The following SLIT2 variants were observed in gnomAD, a reference collection of about 807,000 sequenced individuals.
SLIT2 encodes the protein slit homolog 2 protein.
SLIT2 carries 41 observed loss-of-function variants against 185.7 expected under a neutral mutation model. The ratio of observed to expected loss-of-function variants is 0.22; its 90% CI spans 0.17 to 0.29. The LOEUF is 0.29. SLIT2 is among the 10% of genes least tolerant of loss of function. The probability of loss-of-function intolerance (pLI) is 1.00; values close to 1 mark genes in which losing one functional copy is unlikely to be tolerated. For missense variants in SLIT2, 1,571 were observed against 1,909.0 expected (o/e 0.82, Z 3.30); for synonymous variants, 693 against 680.2 (o/e 1.02, Z -0.29).
chr4:20,472,466 CTATATATA>C lies in SLIT2; in HGVS notation c.467+4644_467+4651del, dbSNP rs1715437265. Among the ~76,000 whole-genome samples, 2 of 26,680 alleles carry C rather than the reference CTATATATA, an allele frequency of 7.5e-5. 1 individual carries two copies. The highest frequency in any genetic ancestry group is 1.3e-4 in the Non-Finnish European group (2 of 15,888). The allele number at this position is 26,680 out of a possible 152,430, so 17.5% of individuals were successfully genotyped here. On this transcript the variant is annotated intron_variant, in intron 5 of 36. Transcript: ENST00000504154. Reference sequence around the variant, plus strand: ...TATATCTATATAGATATATCTATATCTATATATAGATATATATCTATATATAGATATAT... The same window carrying C: ...TATATCTATATAGATATATCTATATCGATATATATCTATATATAGATATAT...
chr4:20,535,688 A>G (rs1237754886), intron 18 of SLIT2, among the ~76,000 whole-genome samples: 1 of 152,106 alleles, frequency 6.6e-6, no homozygotes, highest in African/African-American at 2.4e-5. Context: ...CTGGGCTTGT[A>G]AACAGTCACC....
At chr4:20,498,885 G>A (rs954240444) in intron 9 of SLIT2, among the ~76,000 whole-genome samples, 7 of 152,206 alleles carry the variant, frequency 4.6e-5, no homozygotes, top group Admixed American at 1.3e-4. Context: ...ACATATGAGT[G>A]AAAGTGTCTT....
chr4:20,459,004 C>A (rs967738942), intron 4 of SLIT2, among the ~76,000 whole-genome samples: 1 of 152,086 alleles, frequency 6.6e-6, no homozygotes, highest in African/African-American at 2.4e-5. Context: ...AAGTTATTGA[C>A]ACTTTTTATT....
chr4:20,605,711 ATATTTTATTTTATTTTATTT>A (rs376845737), intron 33 of SLIT2, among the ~76,000 whole-genome samples: 10 of 131,840 alleles, frequency 7.6e-5, no homozygotes, highest in East Asian at 2.1e-4. Flanking sequence ...ATTTTATTTT[ATATTTTATTTTATTTTATTT>A]TATTTTATTT....
In SLIT2 at chr4:20,546,118, T is replaced by G. The variant is rs1432054003; in HGVS notation, c.2345+19T>G. The G allele has an allele frequency of 7.0e-7, 1 of 1,428,214 alleles. No individual in the cohort carries two copies. The highest frequency in any genetic ancestry group is 2.4e-5 in the East Asian group (1 of 42,176). 88.5% of individuals were successfully genotyped at this position (1,428,214 alleles called of 1,614,324 possible). ...CACTTATGTGAGTAACATATTGCACTTTTCTTTGACTTACTCTATTTCCAG... is the reference window on the plus strand; with the variant it reads ...CACTTATGTGAGTAACATATTGCACGTTTCTTTGACTTACTCTATTTCCAG... On this transcript the variant is annotated intron_variant, in intron 22 of 36. Transcript: ENST00000504154.
chr4:20,545,239 GA>G (rs1240811272), intron 21 of SLIT2, among the ~76,000 whole-genome samples: 1 of 151,968 alleles, frequency 6.6e-6, no homozygotes, highest in African/African-American at 2.4e-5. Context: ...CCCAGTTTCT[GA>G]ATGACATTTG....
intron 4 of SLIT2, among the ~76,000 whole-genome samples, chr4:20,430,105 C>A (rs1423002699): frequency 6.6e-6 from 1 of 151,800 alleles, no homozygotes; most frequent in Non-Finnish European, 1.5e-5. Flanking sequence ...CTAAGCAGTC[C>A]AGGAAGTACA....
intron 4 of SLIT2, among the ~76,000 whole-genome samples, chr4:20,283,539 G>A (rs557839541): frequency 6.6e-6 from 1 of 152,150 alleles, no homozygotes; most frequent in African/African-American, 2.4e-5. Flanking sequence ...ATCTCCAAAG[G>A]CAACTTTTAA....
intron 4 of SLIT2, among the ~76,000 whole-genome samples, chr4:20,434,986 T>A (rs1206359641): frequency 2.0e-5 from 3 of 152,180 alleles, no homozygotes; most frequent in Non-Finnish European, 2.9e-5. Flanking sequence ...ATAGAATTAT[T>A]AATTTAGTTA....
At chr4:20,312,291 G>C (rs1422240779) in intron 4 of SLIT2, among the ~76,000 whole-genome samples, 1 of 152,118 alleles carries the variant, frequency 6.6e-6, no homozygotes, top group African/African-American at 2.4e-5. Context: ...AGGAGTGTGA[G>C]ATAATTATAA....
chr4:20,604,480 G>C (rs1728636670), intron 33 of SLIT2, among the ~76,000 whole-genome samples: 1 of 151,966 alleles, frequency 6.6e-6, no homozygotes, highest in Non-Finnish European at 1.5e-5. Flanking sequence ...CTCCTGAGTA[G>C]CTGGGACTAC....
At chr4:20,373,477 A>G (rs1350111038) in intron 4 of SLIT2, among the ~76,000 whole-genome samples, 2 of 152,044 alleles carry the variant, frequency 1.3e-5, no homozygotes, top group African/African-American at 4.8e-5. Flanking sequence ...CCAATATTAT[A>G]TTCTTGGTGT....
chr4:20,424,739 C>A (rs920653603), intron 4 of SLIT2, among the ~76,000 whole-genome samples: 1 of 152,084 alleles, frequency 6.6e-6, no homozygotes, highest in African/African-American at 2.4e-5. Flanking sequence ...CATTTGTTAA[C>A]ATTCTGTGAG....
At chr4:20,341,789 G>T (rs140172637) in intron 4 of SLIT2, among the ~76,000 whole-genome samples, 2 of 152,178 alleles carry the variant, frequency 1.3e-5, no homozygotes, top group African/African-American at 2.4e-5. Flanking sequence ...CTTAATACTA[G>T]AAATAATTAT....
chr4:20,365,621 T>C (rs1037698830), intron 4 of SLIT2, among the ~76,000 whole-genome samples: 10 of 152,136 alleles, frequency 6.6e-5, no homozygotes, highest in African/African-American at 1.9e-4. Flanking sequence ...TCACATCTCA[T>C]TGGGCAACAC....
chr4:20,613,980 T>A (rs2148985544), intron 34 of SLIT2, among the ~76,000 whole-genome samples: 1 of 152,266 alleles, frequency 6.6e-6, no homozygotes, highest in East Asian at 1.9e-4. Flanking sequence ...CAAGTGATTC[T>A]CCTGCCTCAG....
intron 29 of SLIT2, among the ~76,000 whole-genome samples, chr4:20,585,069 A>T (rs1726938995): frequency 6.6e-6 from 1 of 151,998 alleles, no homozygotes; most frequent in African/African-American, 2.4e-5. Flanking sequence ...AAAACAAAAA[A>T]CAAAAAACAA....
At position 20,486,248 on chromosome 4, in the gene SLIT2, C is replaced by G. The variant is rs775949049; in HGVS notation, c.588C>G (p.Asn196Lys). The G allele has an allele frequency of 1.9e-6, 3 of 1,597,382 alleles. No individual in the cohort carries two copies. The highest frequency in any genetic ancestry group is 2.6e-6 in the Non-Finnish European group (3 of 1,165,022). ...NITRLSVASF[N>K]HMPKLRTFRL... is the part of the protein sequence containing the mutation. Reference sequence around the variant, plus strand: ...CTAGACTTTCTGTGGCAAGTTTCAACCATATGCCTAAACTTAGGACTTTGT... The same window carrying G: ...CTAGACTTTCTGTGGCAAGTTTCAAGCATATGCCTAAACTTAGGACTTTGT... Residue 196 changes from asparagine to lysine, a missense_variant, in exon 7 of 37, where the codon AAC becomes AAG. This residue lies in a region of SLIT2 where 1,202 missense variants were observed against 1,416.4 expected (regional missense o/e 0.85). Transcript: ENST00000504154.
intron 33 of SLIT2, among the ~76,000 whole-genome samples, chr4:20,600,018 A>G (rs1728286356): frequency 6.6e-6 from 1 of 152,222 alleles, no homozygotes; most frequent in African/African-American, 2.4e-5. Context: ...CAAGTTGAAT[A>G]CAATACTTAT....
Sources: gnomAD v4.1 joint callset for allele counts (sites outside exome capture counted in the v4.1 genomes callset) on GRCh38, gnomAD v4.1.1 for gene constraint, gnomAD v4.1.1 regional missense constraint, MANE v1.5 for transcripts, NCBI Gene and HGNC (gene_info 2026-07-23, HGNC 2026-07-21) for gene names.